The following NUBP1 variants were observed in gnomAD, a reference collection of about 807,000 sequenced individuals.
NUBP1 encodes the protein NUBP iron-sulfur cluster assembly factor 1, cytosolic.
Under a neutral mutation model 41.8 loss-of-function variants are expected in NUBP1, and 46 were observed. The ratio of observed to expected loss-of-function variants is 1.10; its 90% CI spans 0.87 to 1.41. The LOEUF is 1.41. NUBP1 is among the 40% of genes most tolerant of loss of function. The pLI, the probability that NUBP1 is intolerant of heterozygous loss-of-function variation, is 0.00. For synonymous variants in NUBP1, 189 were observed against 154.6 expected (o/e 1.22, Z -1.65); for missense variants, 494 against 414.0 (o/e 1.19, Z -1.68).
intron 10 of NUBP1, 36 bp from the exon 11 acceptor site, chr16:10,769,011 C>G: frequency 6.2e-7 from 1 of 1,602,010 alleles, no homozygotes; most frequent in Non-Finnish European, 8.6e-7. Context: ...GGTAGACAAG[C>G]CATTAGCACT....
chr16:10,768,994 G>A lies in NUBP1; in HGVS notation c.905-53G>A. The A allele has an allele frequency of 1.3e-6, 2 of 1,536,196 alleles. No individual in the cohort carries two copies. Among genetic ancestry groups the A allele is most frequent in the Non-Finnish European group, 1.8e-6 (2 of 1,109,126 alleles). The stretch of plus-strand genomic sequence containing the variant: ...GCCCTCCCCAGCACAGGACAGGGCT[G>A]TCAAGGGGTAGACAAGCCATTAGCA... On this transcript the variant is annotated intron_variant, in intron 10 of 10. Coordinates refer to ENST00000283027, the MANE Select transcript of NUBP1 (RefSeq NM_002484.4). The surrounding 1 kb of genome is among the most constrained non-coding windows in gnomAD (Gnocchi z 4.3).
At chr16:10,750,755 G>A (rs951976595) in intron 3 of NUBP1, among the ~76,000 whole-genome samples, 2 of 152,152 alleles carry the variant, frequency 1.3e-5, no homozygotes. Context: ...CTTGTGCAAG[G>A]ACTAAAAGTT....
rs1253084116 is a variant in NUBP1, at chr16:10,756,737, C to T, written c.408C>T (p.Ser136=). ...TGATGTCAGTGGGCTTCCTGCTCAG[C>T]AGTCCTGATGATGCTGTTATCTGGA... ...LGVMSVGFLL[S]SPDDAVIWRG... The change falls in exon 6 of 11, where the codon AGC becomes AGT. Residue 136 remains serine (S), a synonymous_variant. Coordinates refer to ENST00000283027, the MANE Select transcript of NUBP1 (RefSeq NM_002484.4). The T allele has an allele frequency of 1.9e-6, 3 of 1,583,398 alleles. No homozygotes were observed. The highest frequency in any genetic ancestry group is 1.7e-4 in the Middle Eastern group (1 of 6,000).
At position 10,756,780 on chromosome 16, in the gene NUBP1, G is replaced by C; in HGVS notation, c.451G>C (p.Gly151Arg). 1 of 1,590,354 alleles carries C rather than the reference G, an allele frequency of 6.3e-7. No homozygotes were observed. Among genetic ancestry groups the C allele is most frequent in the Non-Finnish European group, 8.5e-7 (1 of 1,171,158 alleles). The change falls in exon 6 of 11, where the codon GGC becomes CGC. Residue 151 changes from glycine (G) to arginine (R), a missense_variant and splice_region_variant. Gly to Arg is a moderately radical substitution (Grantham distance 125, BLOSUM62 -2). Coordinates refer to ENST00000283027, the MANE Select transcript of NUBP1 (RefSeq NM_002484.4). ...TATCTGGAGGGGACCCAAGAAAAACGGTTTGCCACTCTGCCTTTTTTTGTC... is the reference window on the plus strand; with the variant it reads ...TATCTGGAGGGGACCCAAGAAAAACCGTTTGCCACTCTGCCTTTTTTTGTC... ...AVIWRGPKKN[G>R]MIKQFLRDVD... is the part of the protein sequence containing the mutation.
Position 10,747,211 on chromosome 16 carries a change from G to A in NUBP1, c.193G>A (p.Gly65Ser), listed in dbSNP as rs1243561492. The change falls in exon 3 of 11, where the codon GGT (glycine) becomes AGT (serine). Residue 65 changes from glycine (G) to serine (S), a missense_variant. By Grantham distance (56) the Gly-to-Ser change is moderately conservative. Coordinates refer to ENST00000283027, the MANE Select transcript of NUBP1 (RefSeq NM_002484.4). ...AATCTTGGTATTGTCTGGGAAAGGC[G>A]GTGTTGGGAAAAGCACATTCAGCGC... ...HKILVLSGKGGVGKSTFSAHL... is the reference protein window; with the variant it reads ...HKILVLSGKGSVGKSTFSAHL... The A allele has an allele frequency of 8.1e-6, 13 of 1,614,022 alleles. No individual in the cohort carries two copies. Among genetic ancestry groups the A allele is most frequent in the African/African-American group, 1.3e-5 (1 of 74,926 alleles).
Position 10,765,428 on chromosome 16 carries a change from G to A in NUBP1, c.821-2521G>A, listed in dbSNP as rs752779330. Among the ~76,000 whole-genome samples, 2 of 151,620 alleles carry A rather than the reference G, an allele frequency of 1.3e-5. No homozygotes were observed. Among genetic ancestry groups the A allele is most frequent in the African/African-American group, 4.9e-5 (2 of 41,232 alleles). On this transcript the variant is annotated intron_variant, in intron 9 of 10. Transcript: ENST00000283027. The surrounding 1 kb of genome is among the most constrained non-coding windows in gnomAD (Gnocchi z 4.0). ...AGGCTGAGTTAGCAGGATCACTTGA[G>A]CCCAGGGAGGTTGAGGTTGCAGTGA...
In NUBP1 at chr16:10,764,085, C is replaced by G. The variant is rs144534388; in HGVS notation, c.820+2226C>G. ...CTCAGCCCACTGGAGCATCCCAGCC[C>G]AAGGGAGTATCTCAGCCCACAGGAG... On this transcript the variant is annotated intron_variant, in intron 9 of 10. Transcript: ENST00000283027. 7.5e-3 allele frequency among the ~76,000 whole-genome samples: 1,147 copies of G among 152,208 alleles called. 7 individuals carry two copies. The highest frequency in any genetic ancestry group is 0.027 in the Middle Eastern group (8 of 294).
chr16:10,758,070 A>G, intron 7 of NUBP1, 43 bp downstream of exon 7: 1 of 1,594,434 alleles, frequency 6.3e-7, no homozygotes, highest in Non-Finnish European at 8.6e-7. Flanking sequence ...ACTGTGCTCC[A>G]CACTGTGAGA....
intron 4 of NUBP1, among the ~76,000 whole-genome samples, chr16:10,754,461 T>A (rs1186637097): frequency 6.6e-6 from 1 of 151,608 alleles, no homozygotes; most frequent in Non-Finnish European, 1.5e-5. Flanking sequence ...CAGGCTGGTC[T>A]CGAACTCCTG....
In NUBP1 at chr16:10,747,293, C is replaced by A; in HGVS notation, c.258+17C>A. The A allele has an allele frequency of 1.2e-6, 2 of 1,611,188 alleles. No individual in the cohort carries two copies. Among genetic ancestry groups the A allele is most frequent in the Non-Finnish European group, 1.7e-6 (2 of 1,179,070 alleles). On this transcript the variant is annotated intron_variant, in intron 3 of 10. Transcript: ENST00000283027. The stretch of plus-strand genomic sequence containing the variant: ...AACACACAGGTGAGACCTCAGGAAC[C>A]ACTGGGAGATGCTCATTTTGTCTGA...
At chr16:10,761,180 G>T in intron 7 of NUBP1, 184 bp from the exon 8 acceptor site, 3 of 528,998 alleles carry the variant, frequency 5.7e-6, no homozygotes, top group South Asian at 4.0e-5. Flanking sequence ...GGGATGTAGG[G>T]ATGATGGGGA....
rs571511041 is a variant in NUBP1, at chr16:10,757,916, C to T, written c.495C>T (p.Val165=). The part of the protein sequence containing the change: ...QFLRDVDWGE[V]DYLIVDTPPG... ...TCCGAGATGTGGACTGGGGAGAGGT[C>T]GACTACCTCATTGTGGACACCCCAC... Residue 165 remains valine, a synonymous_variant, in exon 7 of 11, where the codon GTC becomes GTT. Coordinates refer to ENST00000283027, the MANE Select transcript of NUBP1 (RefSeq NM_002484.4). The surrounding 1 kb of genome is among the most constrained non-coding windows in gnomAD (Gnocchi z 4.1). 24 of 1,613,988 alleles carry T rather than the reference C, an allele frequency of 1.5e-5. 1 individual carries two copies. In the South Asian group the frequency reaches 2.3e-4, roughly 16 times the overall value.
At chr16:10,754,714 G>C (rs1201815546) in intron 4 of NUBP1, among the ~76,000 whole-genome samples, 1 of 152,070 alleles carries the variant, frequency 6.6e-6, no homozygotes, top group African/African-American at 2.4e-5. Context: ...ACAGCTGAGG[G>C]GTATAGGGAT....
rs58201009 is a variant in NUBP1, at chr16:10,749,126, TACACACACACAC to T, written c.258+1883_258+1894del. Among the ~76,000 whole-genome samples the T allele has an allele frequency of 4.3e-3, 518 of 121,088 alleles. 2 individuals carry two copies. Among genetic ancestry groups the T allele is most frequent in the Non-Finnish European group, 6.1e-3 (338 of 55,348 alleles). The allele number at this position is 121,088 out of a possible 152,430, so 79.4% of individuals were successfully genotyped here. On this transcript the variant is annotated intron_variant, in intron 3 of 10. Transcript: ENST00000283027. This position sits in a 1 kb window ranked among gnomAD's most constrained non-coding sequence, Gnocchi z 4.1. ...GGATATAGATAGATACACAGACACA[TACACACACACAC>T]ACACACACACACACACACACACACA...
chr16:10,757,330 T>C lies in NUBP1; in HGVS notation c.452-543T>C, dbSNP rs1900627703. On this transcript the variant is annotated intron_variant, in intron 6 of 10. Transcript: ENST00000283027. This position sits in a 1 kb window ranked among gnomAD's most constrained non-coding sequence, Gnocchi z 4.1. ...TAGAACCCTGAAATTATTTTTATCA[T>C]GGTTTTATAGTGGCTTATTTGGGTC... Among the ~76,000 whole-genome samples, 1 of 152,098 alleles carries C rather than the reference T, an allele frequency of 6.6e-6. No individual in the cohort carries two copies. The highest frequency in any genetic ancestry group is 1.5e-5 in the Non-Finnish European group (1 of 67,998).
At position 10,766,304 on chromosome 16, in the gene NUBP1, G is replaced by A. The variant is rs138073723; in HGVS notation, c.821-1645G>A. Among the ~76,000 whole-genome samples, 3 of 152,188 alleles carry A rather than the reference G, an allele frequency of 2.0e-5. No individual in the cohort carries two copies. The highest frequency in any genetic ancestry group is 2.1e-4 in the South Asian group (1 of 4,834). On this transcript the variant is annotated intron_variant, in intron 9 of 10. Transcript: ENST00000283027. The surrounding 1 kb of genome is among the most constrained non-coding windows in gnomAD (Gnocchi z 4.8). ...CCTAGTGAGAGGGATCTGCCAGGGT[G>A]GGGTGAGAGGATGCCTGGGATCTCT... is the stretch of plus-strand genomic sequence containing the variant.
At chr16:10,755,408 C>T (rs2142709804) in intron 4 of NUBP1, among the ~76,000 whole-genome samples, 1 of 152,274 alleles carries the variant, frequency 6.6e-6, no homozygotes, top group East Asian at 1.9e-4. Flanking sequence ...CAGTCCCCAG[C>T]CGATTTTTAT....
Position 10,767,855 on chromosome 16 carries a change from C to A in NUBP1, c.821-94C>A. ...ACGAGTGAAGCGGGCTCAAGATCTT[C>A]CCATTGTCACCAGCACGGAAAGAGC... On this transcript the variant is annotated intron_variant, in intron 9 of 10. Transcript: ENST00000283027. This position sits in a 1 kb window ranked among gnomAD's most constrained non-coding sequence, Gnocchi z 4.6. The A allele has an allele frequency of 8.7e-7, 1 of 1,151,226 alleles. No individual in the cohort carries two copies. The highest frequency in any genetic ancestry group is 1.3e-6 in the Non-Finnish European group (1 of 765,588). The allele number at this position is 1,151,226 out of a possible 1,614,324, so 71.3% of individuals were successfully genotyped here.
At chr16:10,752,495 C>G in intron 3 of NUBP1, 115 bp from the exon 4 acceptor site, 1 of 765,800 alleles carries the variant, frequency 1.3e-6, no homozygotes, top group South Asian at 1.5e-5. Flanking sequence ...AAGTTTAACC[C>G]AGTTTCTGTC....
Sources: allele counts gnomAD v4.1 joint callset (sites outside exome capture counted in the v4.1 genomes callset), GRCh38; gene constraint gnomAD v4.1.1; non-coding constraint Gnocchi (gnomAD v3.1); transcripts MANE v1.5; gene names NCBI Gene and HGNC (gene_info 2026-07-23, HGNC 2026-07-21).